The following KHDRBS2 variants were observed in gnomAD, a reference collection of about 807,000 sequenced individuals.
The protein encoded by KHDRBS2 is KH domain-containing, RNA-binding, signal transduction-associated protein 2.
A neutral mutation model predicts 44.3 loss-of-function variants in KHDRBS2; 26 were observed. That is an observed-to-expected ratio of 0.59 (90% CI 0.43 to 0.81). The LOEUF (loss-of-function observed/expected upper bound fraction) is 0.81. Among genes scored for constraint, KHDRBS2 ranks in the 40% least tolerant of loss-of-function variants. KHDRBS2 has a pLI of 0.00. For missense variants in KHDRBS2, 476 were observed against 433.1 expected, an observed-to-expected ratio of 1.10 and a Z score of -0.88; for synonymous variants, 194 against 151.1, an observed-to-expected ratio of 1.28 and a Z score of -2.08.
chr6:62,176,252 T>C (rs1012996171), intron 2 of KHDRBS2, among the ~76,000 whole-genome samples: 7 of 151,406 alleles, frequency 4.6e-5, no homozygotes, highest in Admixed American at 1.3e-4. Flanking sequence ...TTTCATGCAA[T>C]AGAGTCTAGC....
the KHDRBS2 span, among the ~76,000 whole-genome samples, chr6:61,634,899 G>A: frequency 6.6e-6 from 1 of 151,932 alleles, no homozygotes; most frequent in Non-Finnish European, 1.5e-5. Flanking sequence ...CTCTTAACTT[G>A]TCTCACTTTA....
intron 6 of KHDRBS2, among the ~76,000 whole-genome samples, chr6:61,893,010 A>G (rs1451743380): frequency 6.6e-6 from 1 of 152,218 alleles, no homozygotes; most frequent in Non-Finnish European, 1.5e-5. Flanking sequence ...TCATCTGACT[A>G]AGGGCTAATA....
intron 6 of KHDRBS2, among the ~76,000 whole-genome samples, chr6:61,848,968 C>T (rs1324754441): frequency 6.6e-6 from 1 of 151,856 alleles, no homozygotes; most frequent in Non-Finnish European, 1.5e-5. Context: ...TGAAAGAAAG[C>T]AAAAGGATGG....
At chr6:61,820,501 T>C (rs1269598728) in intron 6 of KHDRBS2, among the ~76,000 whole-genome samples, 2 of 151,928 alleles carry the variant, frequency 1.3e-5, no homozygotes, top group Non-Finnish European at 2.9e-5. Context: ...GAACAGAAAT[T>C]ATATTTTGGC....
chr6:62,085,595 G>T (rs554401979), intron 2 of KHDRBS2, among the ~76,000 whole-genome samples: 1 of 152,198 alleles, frequency 6.6e-6, no homozygotes, highest in South Asian at 2.1e-4. Flanking sequence ...GTTATATTAA[G>T]CACAAACAAA....
chr6:61,964,790 G>T (rs1487544413), intron 4 of KHDRBS2, among the ~76,000 whole-genome samples: 1 of 152,062 alleles, frequency 6.6e-6, no homozygotes, highest in Non-Finnish European at 1.5e-5. Context: ...AACAGCAGTG[G>T]CAGAAATGTG....
intron 4 of KHDRBS2, among the ~76,000 whole-genome samples, chr6:61,902,782 C>A (rs1804296907): frequency 6.6e-6 from 1 of 152,122 alleles, no homozygotes; most frequent in African/African-American, 2.4e-5. Context: ...GTCAACGTAG[C>A]TCTGCATATG....
chr6:61,946,950 T>C (rs1376669505), intron 4 of KHDRBS2, among the ~76,000 whole-genome samples: 1 of 152,156 alleles, frequency 6.6e-6, no homozygotes, highest in Non-Finnish European at 1.5e-5. Context: ...CCTTGTTTTA[T>C]AGAAGAAAAG....
At chr6:61,775,598 C>T (rs1208024986) in intron 6 of KHDRBS2, among the ~76,000 whole-genome samples, 1 of 152,082 alleles carries the variant, frequency 6.6e-6, no homozygotes, top group Non-Finnish European at 1.5e-5. Context: ...ACGTGAAGGA[C>T]CTCTTCAAGG....
At chr6:62,232,238 T>C (rs1833006946) in intron 1 of KHDRBS2, among the ~76,000 whole-genome samples, 1 of 152,132 alleles carries the variant, frequency 6.6e-6, no homozygotes, top group Non-Finnish European at 1.5e-5. Flanking sequence ...ATAAGCCCCA[T>C]GAAGGAAAGA....
At chr6:61,911,887 G>GAA (rs111830612) in intron 4 of KHDRBS2, among the ~76,000 whole-genome samples, 3 of 143,978 alleles carry the variant, frequency 2.1e-5, no homozygotes, top group Admixed American at 7.0e-5. Context: ...ATTCAATATT[G>GAA]AAAAAAAAAA....
chr6:61,974,032 A>G (rs549419659), intron 4 of KHDRBS2, among the ~76,000 whole-genome samples: 1 of 152,358 alleles, frequency 6.6e-6, no homozygotes, highest in East Asian at 1.9e-4. Flanking sequence ...CACAATGAGC[A>G]GAATTTCATG....
intron 6 of KHDRBS2, among the ~76,000 whole-genome samples, chr6:61,796,986 A>G (rs1469094218): frequency 1.3e-5 from 2 of 152,186 alleles, no homozygotes; most frequent in African/African-American, 4.8e-5. Context: ...AACAAATATC[A>G]CTTCAATTTT....
chr6:61,892,063 C>A (rs991963793), intron 6 of KHDRBS2, among the ~76,000 whole-genome samples: 1 of 152,174 alleles, frequency 6.6e-6, no homozygotes, highest in Non-Finnish European at 1.5e-5. Context: ...TCTCAAGATA[C>A]AAAATCAATG....
chr6:61,743,723 T>C lies in KHDRBS2; in HGVS notation c.811-10959A>G, dbSNP rs185679897. The stretch of plus-strand genomic sequence containing the variant: ...GCATACATTTGCCATGTTGGTGTGC[T>C]GCACCCATTAACTCGTCATTTAGCA... On this transcript the variant is annotated intron_variant, in intron 6 of 8. Coordinates refer to ENST00000281156, the MANE Select transcript of KHDRBS2 (RefSeq NM_152688.4). 2.3e-3 allele frequency among the ~76,000 whole-genome samples: 350 copies of C among 152,062 alleles called. 3 individuals carry two copies. The highest frequency in any genetic ancestry group is 8.0e-3 in the African/African-American group (330 of 41,482).
At chr6:61,699,789 C>G (rs1032514351) in intron 7 of KHDRBS2, among the ~76,000 whole-genome samples, 3 of 152,026 alleles carry the variant, frequency 2.0e-5, no homozygotes, top group African/African-American at 7.2e-5. Context: ...AATGCATAAA[C>G]TTCAACATAA....
chr6:61,915,180 T>C (rs1806771021), intron 4 of KHDRBS2, among the ~76,000 whole-genome samples: 1 of 152,012 alleles, frequency 6.6e-6, no homozygotes, highest in Admixed American at 6.6e-5. Context: ...GAAGGATCAC[T>C]CTTAGGAATG....
intron 6 of KHDRBS2, among the ~76,000 whole-genome samples, chr6:61,833,676 G>C (rs1348378305): frequency 1.3e-5 from 2 of 152,050 alleles, no homozygotes; most frequent in Non-Finnish European, 2.9e-5. Context: ...GACTTGAAAA[G>C]CTCTTCCAAG....
chr6:61,601,361 C>T, the KHDRBS2 span, among the ~76,000 whole-genome samples: 1 of 152,058 alleles, frequency 6.6e-6, no homozygotes, highest in Non-Finnish European at 1.5e-5. Flanking sequence ...CTCCCTTAGC[C>T]TGTGTTCTCA....
Sources: allele counts gnomAD v4.1 joint callset (sites outside exome capture counted in the v4.1 genomes callset), GRCh38; gene constraint gnomAD v4.1.1; transcripts MANE v1.5; gene names NCBI Gene and HGNC (gene_info 2026-07-23, HGNC 2026-07-21).